Variants in INTS8 observed in about 807,000 individuals in gnomAD.
The protein encoded by INTS8 is integrator complex subunit 8.
INTS8 carries 47 observed loss-of-function variants against 138.9 expected under a neutral mutation model. That is an observed-to-expected ratio of 0.34 (90% CI 0.27 to 0.43). The LOEUF (loss-of-function observed/expected upper bound fraction) is 0.43. INTS8 is among the 20% of genes least tolerant of loss of function. The probability of loss-of-function intolerance (pLI) is 1.00; values close to 1 mark genes in which losing one functional copy is unlikely to be tolerated. For missense variants in INTS8, 996 were observed against 1,173.0 expected (o/e 0.85, Z 2.20); for synonymous variants, 392 against 400.9 (o/e 0.98, Z 0.27).
At chr8:94,832,660 T>C (rs1010122837) in intron 6 of INTS8, among the ~76,000 whole-genome samples, 1 of 152,126 alleles carries the variant, frequency 6.6e-6, no homozygotes, top group African/African-American at 2.4e-5. Flanking sequence ...GTTTTTGTTT[T>C]TGTTTTTTTT....
At chr8:94,880,009 A>T in intron 26 of INTS8, 109 bp from the exon 27 acceptor site, 1 of 718,148 alleles carries the variant, frequency 1.4e-6, no homozygotes, top group Non-Finnish European at 2.4e-6. Context: ...AGGTTCAGTT[A>T]ATCATTAAAC....
intron 22 of INTS8, 65 bp from the exon 23 acceptor site, chr8:94,874,487 G>A: frequency 1.1e-6 from 1 of 878,956 alleles, no homozygotes; most frequent in South Asian, 1.4e-5. Context: ...CCATACCAGA[G>A]TGACACATTT....
At chr8:94,837,898 G>A (rs1321612097) in intron 7 of INTS8, among the ~76,000 whole-genome samples, 2 of 151,800 alleles carry the variant, frequency 1.3e-5, no homozygotes, top group Non-Finnish European at 2.9e-5. Context: ...CATAGTTTAC[G>A]GCCCACAAAA....
At chr8:94,824,190 A>T (rs558536587) in intron 1 of INTS8, among the ~76,000 whole-genome samples, 2 of 152,340 alleles carry the variant, frequency 1.3e-5, no homozygotes, top group Admixed American at 1.3e-4. Context: ...GGCATTCTCA[A>T]AAAAGGTATT....
intron 20 of INTS8, among the ~76,000 whole-genome samples, chr8:94,869,552 G>A (rs550091035): frequency 6.6e-4 from 101 of 151,948 alleles, no homozygotes; most frequent in Non-Finnish European, 1.3e-3. Flanking sequence ...GAGTGCAGTG[G>A]CATGATCTCA....
rs113753904 is a variant in INTS8, at chr8:94,830,057, A to G, written c.570+1031A>G. Among the ~76,000 whole-genome samples the G allele has an allele frequency of 1.3e-3, 204 of 152,170 alleles. 2 individuals carry two copies. The highest frequency in any genetic ancestry group is 4.7e-3 in the African/African-American group (197 of 41,536). ...ATTACAGGCACTTGCCACCATGCCC[A>G]GCTAATTTTTTGTATTTTTAGTAGA... On this transcript the variant is annotated intron_variant, in intron 5 of 26. Transcript: ENST00000523731.
intron 10 of INTS8, among the ~76,000 whole-genome samples, chr8:94,847,935 A>G (rs1815389650): frequency 6.6e-6 from 1 of 152,070 alleles, no homozygotes; most frequent in African/African-American, 2.4e-5. Context: ...ATACTCCAAG[A>G]TGCTCAGATG....
chr8:94,824,537 C>A (rs899268335), intron 1 of INTS8, among the ~76,000 whole-genome samples: 2 of 152,038 alleles, frequency 1.3e-5, no homozygotes, highest in Admixed American at 1.3e-4. Context: ...AATAATAGTT[C>A]TAATATTTAT....
At chr8:94,855,987 G>A (rs1434865540) in intron 14 of INTS8, among the ~76,000 whole-genome samples, 5 of 152,134 alleles carry the variant, frequency 3.3e-5, no homozygotes, top group Admixed American at 3.3e-4. Context: ...ACAGATTTGG[G>A]AATTACCAAA....
At chr8:94,838,396 T>TA in intron 7 of INTS8, 67 bp from the exon 8 acceptor site, 2 of 1,330,878 alleles carry the variant, frequency 1.5e-6, no homozygotes, top group Non-Finnish European at 2.1e-6. Flanking sequence ...TAAAACATGC[T>TA]AAGGGGGTGC....
chr8:94,827,974 A>T (rs999224533), intron 4 of INTS8, among the ~76,000 whole-genome samples, 181 bp downstream of exon 4: 1 of 152,132 alleles, frequency 6.6e-6, no homozygotes, highest in Non-Finnish European at 1.5e-5. Flanking sequence ...TGTGCTAGAT[A>T]CAGAGTTCTA....
At chr8:94,878,994 C>A (rs958152398) in intron 26 of INTS8, among the ~76,000 whole-genome samples, 6 of 152,172 alleles carry the variant, frequency 3.9e-5, no homozygotes, top group African/African-American at 1.4e-4. Flanking sequence ...CCTGCATTCT[C>A]CCTAGGTAAT....
chr8:94,869,620 G>C (rs531149876), intron 20 of INTS8, among the ~76,000 whole-genome samples: 1 of 152,202 alleles, frequency 6.6e-6, no homozygotes, highest in East Asian at 1.9e-4. Context: ...AGCCTCCTGA[G>C]TAGCTGGTGT....
At chr8:94,863,764 G>A (rs1816078717) in intron 16 of INTS8, among the ~76,000 whole-genome samples, 3 of 152,216 alleles carry the variant, frequency 2.0e-5, no homozygotes, top group African/African-American at 7.2e-5. Context: ...GACAACAGAA[G>A]ATGAATTTGA....
chr8:94,862,866 C>T (rs894513323), intron 16 of INTS8, among the ~76,000 whole-genome samples: 9 of 151,536 alleles, frequency 5.9e-5, no homozygotes, highest in East Asian at 1.9e-4. Flanking sequence ...CACACACACA[C>T]GCACACACGT....
chr8:94,852,980 CT>C (rs530981648), intron 13 of INTS8, among the ~76,000 whole-genome samples: 1 of 151,482 alleles, frequency 6.6e-6, no homozygotes, highest in African/African-American at 2.4e-5. Flanking sequence ...ATTAGTTGGG[CT>C]TTTTTTTAGC....
At chr8:94,857,099 G>C (rs1011591298) in intron 15 of INTS8, 121 bp downstream of exon 15, 1 of 711,094 alleles carries the variant, frequency 1.4e-6, no homozygotes, top group African/African-American at 1.9e-5. Context: ...TTGAGATGGA[G>C]TGTAGCTCTG....
Position 94,827,252 on chromosome 8 carries a change from GCTT to G in INTS8, c.306-6_306-4del. The G allele has an allele frequency of 1.9e-6, 3 of 1,610,572 alleles. No individual in the cohort carries two copies. Among genetic ancestry groups the G allele is most frequent in the Non-Finnish European group, 2.5e-6 (3 of 1,177,390 alleles). On this transcript the variant is annotated splice_region_variant and splice_polypyrimidine_tract_variant and intron_variant, in intron 2 of 26. Transcript: ENST00000523731. ...ATTAATGTGCAAACATGTACGTTTT[GCTT>G]CTTCAAGTTTGTCTGTTCCAGTATT...
At chr8:94,824,773 A>AG (rs1406453520) in intron 1 of INTS8, 120 bp from the exon 2 acceptor site, 1 of 321,678 alleles carries the variant, frequency 3.1e-6, no homozygotes, top group Non-Finnish European at 5.9e-6. Flanking sequence ...TGGCAAAAAA[A>AG]AAACCCAAAC....
Sources: allele counts gnomAD v4.1 joint callset (sites outside exome capture counted in the v4.1 genomes callset), GRCh38; gene constraint gnomAD v4.1.1; transcripts MANE v1.5; gene names NCBI Gene and HGNC (gene_info 2026-07-23, HGNC 2026-07-21).